Variants in C8orf76 observed in about 807,000 individuals in gnomAD.
The protein encoded by C8orf76 is uncharacterized protein C8orf76.
A neutral mutation model predicts 38.1 loss-of-function variants in C8orf76; 46 were observed. The ratio of observed to expected loss-of-function variants is 1.21; its 90% CI spans 0.95 to 1.54. The LOEUF (loss-of-function observed/expected upper bound fraction) is 1.54. Ranked by LOEUF, C8orf76 falls within the 40% of genes most tolerant of loss-of-function variation. The probability of loss-of-function intolerance (pLI) is 0.00; values close to 1 mark genes in which losing one functional copy is unlikely to be tolerated. For missense variants in C8orf76, 461 were observed against 441.6 expected, an observed-to-expected ratio of 1.04 and a Z score of -0.39; for synonymous variants, 166 against 167.5, an observed-to-expected ratio of 0.99 and a Z score of 0.07.
chr8:123,239,605 A>T (rs1189102628), intron 1 of C8orf76: 1 of 157,094 alleles, frequency 6.4e-6, no homozygotes, highest in Non-Finnish European at 1.4e-5. Context: ...AGTCTGAGGA[A>T]ATGCCCATCT....
rs569186068 is a variant in C8orf76, at chr8:123,225,879, C to T, written c.948+621G>A. On this transcript the variant is annotated intron_variant, in intron 5 of 5. Transcript: ENST00000276704. ...GGTAGAGGTTGCAGTGAGCCGAGAT[C>T]GTGCCACTGCACTCCAGCCTGGGAG... Among the ~76,000 whole-genome samples the T allele has an allele frequency of 1.1e-3, 164 of 151,452 alleles. 4 individuals carry two copies. In the South Asian group the frequency reaches 0.02, roughly 19 times the overall value.
At chr8:123,223,921 ATAG>A (rs1459698128) in intron 5 of C8orf76, among the ~76,000 whole-genome samples, 3 of 152,212 alleles carry the variant, frequency 2.0e-5, no homozygotes, top group Non-Finnish European at 4.4e-5. Flanking sequence ...ACAGAGAAAA[ATAG>A]TAGATTAGAG....
chr8:123,226,306 C>T lies in C8orf76; in HGVS notation c.948+194G>A, dbSNP rs547086995. 131 of 1,408,668 alleles carry T rather than the reference C, an allele frequency of 9.3e-5. 1 individual carries two copies. The highest frequency in any genetic ancestry group is 1.1e-4 in the East Asian group (4 of 36,150). 87.3% of individuals were successfully genotyped at this position (1,408,668 alleles called of 1,614,324 possible). A position where few individuals can be genotyped will look rare whatever the true frequency, so the allele number is the denominator to read the frequency against. On this transcript the variant is annotated intron_variant, in intron 5 of 5. Coordinates refer to ENST00000276704, the MANE Select transcript of C8orf76 (RefSeq NM_032847.3). ...ACAAGTACATGAAACACAGCCCCTG[C>T]GGTCCCGCACGCTGCAGGGGAATGC...
intron 1 of C8orf76, 93 bp downstream of exon 1, chr8:123,241,137 T>G (rs867919223): frequency 7.6e-7 from 1 of 1,312,404 alleles, no homozygotes; most frequent in Middle Eastern, 2.6e-4. Flanking sequence ...GGGTTTGCGT[T>G]CGCGCGGACG....
chr8:123,236,845 T>C (rs1217668776), intron 3 of C8orf76: 1 of 727,542 alleles, frequency 1.4e-6, no homozygotes, highest in East Asian at 2.5e-5. Flanking sequence ...GAGCTCCAGA[T>C]GCAGAGATGC....
In C8orf76 at chr8:123,231,570, G is replaced by GA. The variant is rs1825272271; in HGVS notation, c.544dup (p.Ser182PhefsTer17). The GA allele has an allele frequency of 1.2e-6, 2 of 1,614,126 alleles. No individual in the cohort carries two copies. The highest frequency in any genetic ancestry group is 3.3e-5 in the Admixed American group (2 of 60,008). On this transcript the variant is annotated frameshift_variant, in exon 4 of 6. Coordinates refer to ENST00000276704, the MANE Select transcript of C8orf76 (RefSeq NM_032847.3). LOFTEE classifies it high-confidence loss of function. ...TTTCTGAGATGACGCAAGTGCTGCT[G>GA]AAAGAGCTGGCCCCAGATTCAGGTA...
Position 123,220,074 on chromosome 8 carries a change from A to G in C8orf76, c.*29T>C, listed in dbSNP as rs771473825. 3.6e-6 allele frequency: 5 copies of G among 1,370,056 alleles called. No individual in the cohort carries two copies. Among genetic ancestry groups the G allele is most frequent in the South Asian group, 1.2e-5 (1 of 80,196 alleles). 84.9% of individuals were successfully genotyped at this position (1,370,056 alleles called of 1,614,324 possible). ...ACAAGGACAATTAATACAGTACAAG[A>G]TATTTGTGGTTTTGTTTTTTATAAC... On this transcript the variant is annotated 3_prime_UTR_variant, in exon 6 of 6. Transcript: ENST00000276704.
At chr8:123,235,868 C>A (rs1322692325) in intron 3 of C8orf76, among the ~76,000 whole-genome samples, 1 of 152,066 alleles carries the variant, frequency 6.6e-6, no homozygotes, top group Non-Finnish European at 1.5e-5. Context: ...CAAGAAACGC[C>A]GAGCGAGCAG....
intron 5 of C8orf76, among the ~76,000 whole-genome samples, chr8:123,221,990 T>C (rs2131129488): frequency 6.6e-6 from 1 of 152,176 alleles, no homozygotes; most frequent in Non-Finnish European, 1.5e-5. Context: ...TTATTTTTCT[T>C]TTTTTTGGGG....
rs754954569 is a variant in C8orf76 at position 123,226,565 on chromosome 8, G to T, written c.883C>A (p.Gln295Lys). Residue 295 changes from glutamine to lysine, a missense_variant, in exon 5 of 6, where the codon CAG becomes AAG. Physicochemically the swap from Gln to Lys is moderately conservative, Grantham distance 53. Coordinates refer to ENST00000276704, the MANE Select transcript of C8orf76 (RefSeq NM_032847.3). ...FALERNLRTQ[Q>K]EIEDKMKGFS... ...CCTTTCATTTTATCTTCAATTTCCT[G>T]CTGAGTCCTTAAGTTCCTCTCCAAA... 2 of 1,613,352 alleles carry T rather than the reference G, an allele frequency of 1.2e-6. No homozygotes were observed. Among genetic ancestry groups the T allele is most frequent in the East Asian group, 2.2e-5 (1 of 44,818 alleles).
In C8orf76 at chr8:123,237,741, C is replaced by T. The variant is rs1196889817; in HGVS notation, c.357+57G>A. ...AAGTTTGTTTTGTTTTCAAAAAATA[C>T]ACCATTCGACCACCCTTATAGGAAT... On this transcript the variant is annotated intron_variant, in intron 3 of 5. Coordinates refer to ENST00000276704, the MANE Select transcript of C8orf76 (RefSeq NM_032847.3). 9 of 1,523,536 alleles carry T rather than the reference C, an allele frequency of 5.9e-6. No homozygotes were observed. The African/African-American group carries it at 1.3e-4, about 21-fold the overall frequency. 94.4% of individuals were successfully genotyped at this position (1,523,536 alleles called of 1,614,324 possible).
intron 4 of C8orf76, 115 bp from the exon 5 acceptor site, chr8:123,226,747 C>T: frequency 1.4e-6 from 2 of 1,439,656 alleles, no homozygotes; most frequent in Admixed American, 3.0e-5. Flanking sequence ...CAAGTCCCAC[C>T]AGGTTAAAAA....
At chr8:123,227,766 C>T (rs1201078313) in intron 4 of C8orf76, among the ~76,000 whole-genome samples, 1 of 152,098 alleles carries the variant, frequency 6.6e-6, no homozygotes, top group African/African-American at 2.4e-5. Flanking sequence ...TCAAATCAGA[C>T]CTTGCAGGCC....
At chr8:123,237,738 A>T in intron 3 of C8orf76, 60 bp downstream of exon 3, 1 of 1,525,972 alleles carries the variant, frequency 6.6e-7, no homozygotes, top group Non-Finnish European at 8.8e-7. Flanking sequence ...TTTTCAAAAA[A>T]TACACCATTC....
chr8:123,227,963 C>T (rs1028065960), intron 4 of C8orf76, among the ~76,000 whole-genome samples: 4 of 152,126 alleles, frequency 2.6e-5, no homozygotes, highest in African/African-American at 7.2e-5. Context: ...GCTTTCTGCC[C>T]TCTGGATATA....
intron 5 of C8orf76, among the ~76,000 whole-genome samples, chr8:123,224,107 T>G (rs1824959991): frequency 6.6e-6 from 1 of 152,112 alleles, no homozygotes; most frequent in African/African-American, 2.4e-5. Context: ...CAAATTTAAG[T>G]TACATATTTT....
intron 3 of C8orf76, among the ~76,000 whole-genome samples, chr8:123,236,187 T>TCTTA (rs1487938226): frequency 6.6e-6 from 1 of 152,202 alleles, no homozygotes; most frequent in Non-Finnish European, 1.5e-5. Flanking sequence ...TAGGGATTTC[T>TCTTA]CTTAGTTAAT....
intron 4 of C8orf76, among the ~76,000 whole-genome samples, chr8:123,227,256 CTTT>C (rs532233177): frequency 5.0e-5 from 7 of 139,682 alleles, no homozygotes; most frequent in African/African-American, 1.3e-4. Flanking sequence ...CATTTGGCTC[CTTT>C]TTTTTTTTTT....
intron 2 of C8orf76, among the ~76,000 whole-genome samples, chr8:123,238,173 TGTGGGAGGGACCTG>T (rs1825562796): frequency 6.6e-6 from 1 of 152,182 alleles, no homozygotes; most frequent in Admixed American, 6.5e-5. Context: ...CCCCACATGT[TGTGGGAGGGACCTG>T]GTGGGAGGTA....
Sources: allele counts gnomAD v4.1 joint callset (sites outside exome capture counted in the v4.1 genomes callset), GRCh38; gene constraint gnomAD v4.1.1; transcripts MANE v1.5; gene names NCBI Gene and HGNC (gene_info 2026-07-23, HGNC 2026-07-21).